SGSM2: variants seen among roughly 807,000 people sequenced by gnomAD.
SGSM2 encodes RUN and TBC1 domain containing 1.
A neutral mutation model predicts 126.6 loss-of-function variants in SGSM2; 89 were observed. The ratio of observed to expected loss-of-function variants is 0.70; its 90% confidence interval spans 0.59 to 0.84. SGSM2 has a LOEUF of 0.84. Among genes scored for constraint, SGSM2 ranks in the 40% least tolerant of loss-of-function variants. The pLI, the probability that SGSM2 is intolerant of heterozygous loss-of-function variation, is 0.00. For synonymous variants in SGSM2, 614 were observed against 574.3 expected (o/e 1.07, Z -0.99); for missense variants, 1,404 against 1,416.6 (o/e 0.99, Z 0.14).
In SGSM2 at chr17:2,362,421, A is replaced by ACCG; in HGVS notation, c.458+154_458+156dup. 1.1e-6 allele frequency: 1 copy of ACCG among 889,836 alleles called. No homozygotes were observed. Among genetic ancestry groups the ACCG allele is most frequent in the Non-Finnish European group, 1.5e-6 (1 of 659,364 alleles). 55.1% of individuals were successfully genotyped at this position (889,836 alleles called of 1,614,324 possible). On this transcript the variant is annotated intron_variant, in intron 4 of 23. Transcript: ENST00000268989. The surrounding 1 kb of genome is among the most constrained non-coding windows in gnomAD (Gnocchi z 4.9). The stretch of plus-strand genomic sequence containing the variant: ...CCCGTTCCCCCCAAAACTGCAGGTG[A>ACCG]CCGCCCCGTTCCCAAAAACTGCAGG...
At chr17:2,369,508 G>A (rs1277428450) in intron 12 of SGSM2, among the ~76,000 whole-genome samples, 1 of 152,068 alleles carries the variant, frequency 6.6e-6, no homozygotes, top group African/African-American at 2.4e-5. Flanking sequence ...TCCAGCCTGT[G>A]CCCTCACCCA....
rs1235322919 is a variant in SGSM2, at chr17:2,376,227, C to T, written c.2575C>T (p.Pro859Ser). Residue 859 changes from proline (P) to serine (S), a missense_variant, in exon 19 of 24, where the codon CCC becomes TCC. Coordinates refer to ENST00000268989, the MANE Select transcript of SGSM2 (RefSeq NM_014853.3). ...CCGCAACTACTGGTACTTCACGCCC[C>T]CCAACCTCGAGAGGCTCAGAGACGT... is the stretch of plus-strand genomic sequence containing the variant. ...CDRNYWYFTPPNLERLRDVMC... is the reference protein window; with the variant it reads ...CDRNYWYFTPSNLERLRDVMC... 1 of 1,614,040 alleles carries T rather than the reference C, an allele frequency of 6.2e-7. No individual in the cohort carries two copies. The highest frequency in any genetic ancestry group is 8.5e-7 in the Non-Finnish European group (1 of 1,180,008).
chr17:2,366,068 A>T (rs1475675463), intron 11 of SGSM2, among the ~76,000 whole-genome samples: 1 of 152,070 alleles, frequency 6.6e-6, no homozygotes, highest in African/African-American at 2.4e-5. Context: ...GATGGTGAAT[A>T]TTGTCTGCTG....
rs1597387145 is a variant in SGSM2 at position 2,373,400 on chromosome 17, A to G, written c.1987A>G (p.Arg663Gly). Residue 663 changes from arginine (R) to glycine (G), a missense_variant, in exon 17 of 24, where the codon AGG (arginine) becomes GGG (glycine). Arg to Gly is a moderately radical substitution (Grantham distance 125, BLOSUM62 -2). Coordinates refer to ENST00000268989, the MANE Select transcript of SGSM2 (RefSeq NM_014853.3). ...AEWKACEVVV[R>G]QREREAHPAT... Reference sequence around the variant, plus strand: ...GTGGAAGGCCTGCGAGGTGGTGGTGAGGCAGCGGGAGCGGGAGGCCCACCC... The same window carrying G: ...GTGGAAGGCCTGCGAGGTGGTGGTGGGGCAGCGGGAGCGGGAGGCCCACCC... 3 of 1,612,458 alleles carry G rather than the reference A, an allele frequency of 1.9e-6. No individual in the cohort carries two copies. The highest frequency in any genetic ancestry group is 2.5e-6 in the Non-Finnish European group (3 of 1,179,942).
Position 2,372,407 on chromosome 17 carries a change from C to A in SGSM2, c.1707C>A (p.Ser569Arg), listed in dbSNP as rs185126674. Residue 569 changes from serine (S) to arginine (R), a missense_variant, in exon 15 of 24, where the codon AGC becomes AGA. Ser to Arg is a moderately radical substitution (Grantham distance 110). Coordinates refer to ENST00000268989, the MANE Select transcript of SGSM2 (RefSeq NM_014853.3). This position sits in a 1 kb window ranked among gnomAD's most constrained non-coding sequence, Gnocchi z 6.0. ...ACCTGTCGGCGCTGGTGCACCATAGCGTTATCCCACCTGACCGGCCCCCGG... is the reference window on the plus strand; with the variant it reads ...ACCTGTCGGCGCTGGTGCACCATAGAGTTATCCCACCTGACCGGCCCCCGG... Reference protein sequence around the residue: ...RTHLSALVHHSVIPPDRPPGA... With the variant: ...RTHLSALVHHRVIPPDRPPGA... 2.5e-6 allele frequency: 4 copies of A among 1,597,002 alleles called. No individual in the cohort carries two copies. In the East Asian group the frequency reaches 6.8e-5, roughly 27 times the overall value.
intron 2 of SGSM2, among the ~76,000 whole-genome samples, chr17:2,353,766 T>TA (rs56109750): frequency 0.45 from 66,504 of 149,102 alleles, 14,780 homozygotes; most frequent in East Asian, 0.64. Context: ...ACTCTGTCTT[T>TA]AAAAAAAAAA....
chr17:2,346,852 G>A (rs1233455529), intron 2 of SGSM2, among the ~76,000 whole-genome samples: 1 of 152,162 alleles, frequency 6.6e-6, no homozygotes, highest in African/African-American at 2.4e-5. Flanking sequence ...GCTCTGGGAG[G>A]CTGAGGCGGG....
At chr17:2,371,566 GACTT>G (rs2065874312) in intron 13 of SGSM2, 151 bp downstream of exon 13, 1 of 893,768 alleles carries the variant, frequency 1.1e-6, no homozygotes, top group Admixed American at 3.1e-5. Context: ...CTACCCACGT[GACTT>G]ACAAGTTATG....
In SGSM2 at chr17:2,379,964, C is replaced by T; in HGVS notation, c.*444C>T. On this transcript the variant is annotated 3_prime_UTR_variant, in exon 24 of 24. Transcript: ENST00000268989. Reference sequence around the variant, plus strand: ...CCCTTCTGAGGGTCCCTTTGCAGTCCCAGTATATTGTGCGTGCACCAGCCC... The same window carrying T: ...CCCTTCTGAGGGTCCCTTTGCAGTCTCAGTATATTGTGCGTGCACCAGCCC... 6 of 1,351,240 alleles carry T rather than the reference C, an allele frequency of 4.4e-6. No individual in the cohort carries two copies. In the South Asian group the frequency reaches 9.2e-5, roughly 21 times the overall value. The allele number at this position is 1,351,240 out of a possible 1,614,324, so 83.7% of individuals were successfully genotyped here.
At chr17:2,361,470 A>G (rs1236870116) in intron 2 of SGSM2, among the ~76,000 whole-genome samples, 167 bp from the exon 3 acceptor site, 7 of 152,152 alleles carry the variant, frequency 4.6e-5, no homozygotes, top group African/African-American at 7.2e-5. Context: ...CCCGGGCAGG[A>G]GCCGAGGGAC....
rs1198675909 is a variant in SGSM2, at chr17:2,363,142, C to T, written c.672+8C>T. On this transcript the variant is annotated splice_region_variant and intron_variant, in intron 6 of 23. Transcript: ENST00000268989. This position sits in a 1 kb window ranked among gnomAD's most constrained non-coding sequence, Gnocchi z 4.2. Reference sequence around the variant, plus strand: ...AAGCGCCCAGCCCTGGGGGTAGGTGCCCCCTCCCCACCCTTTGGGCTCATC... The same window carrying T: ...AAGCGCCCAGCCCTGGGGGTAGGTGTCCCCTCCCCACCCTTTGGGCTCATC... The T allele has an allele frequency of 1.3e-6, 2 of 1,589,576 alleles. No homozygotes were observed. Among genetic ancestry groups the T allele is most frequent in the Non-Finnish European group, 1.7e-6 (2 of 1,170,304 alleles).
intron 2 of SGSM2, among the ~76,000 whole-genome samples, chr17:2,347,594 G>T (rs2064656647): frequency 6.7e-6 from 1 of 150,312 alleles, no homozygotes; most frequent in African/African-American, 2.4e-5. Flanking sequence ...AGTATAGGCT[G>T]GTATCTCCTG....
chr17:2,376,369 A>T, intron 19 of SGSM2, 108 bp downstream of exon 19: 1 of 1,453,210 alleles, frequency 6.9e-7, no homozygotes, highest in Non-Finnish European at 9.3e-7. Context: ...CTCCTGAATC[A>T]CACTTGGCTC....
intron 22 of SGSM2, 113 bp from the exon 23 acceptor site, chr17:2,378,923 A>AGCCT (rs2066298244): frequency 8.9e-7 from 1 of 1,126,466 alleles, no homozygotes; most frequent in African/African-American, 2.1e-5. Flanking sequence ...CCCCAGCCCC[A>AGCCT]GCCTCAGCCT....
chr17:2,377,050 C>T lies in SGSM2; in HGVS notation c.2784C>T (p.Asn928=), dbSNP rs2066199208. The T allele has an allele frequency of 6.2e-7, 1 of 1,612,902 alleles. No homozygotes were observed. The highest frequency in any genetic ancestry group is 1.3e-5 in the African/African-American group (1 of 74,940). ...NGGAMDTHFA[N]MRSLIQILDS... ...GTGCCATGGACACCCACTTTGCCAA[C>T]ATGCGCTCCCTCATCCAGGTGAGGC... is the stretch of plus-strand genomic sequence containing the variant. Residue 928 remains asparagine (N), a synonymous_variant, in exon 21 of 24, where the codon AAC becomes AAT. Transcript: ENST00000268989.
In SGSM2 at chr17:2,364,859, G is replaced by C. The variant is rs201834458; in HGVS notation, c.1001-38G>C. 305 of 1,597,180 alleles carry C rather than the reference G, an allele frequency of 1.9e-4. No homozygotes were observed. The African/African-American group carries it at 2.0e-3, about 11-fold the overall frequency. On this transcript the variant is annotated intron_variant, in intron 9 of 23. Coordinates refer to ENST00000268989, the MANE Select transcript of SGSM2 (RefSeq NM_014853.3). ...TGGCCAGCAGGGTGTGATAGCCGACGAGAGGGCCTCAGCCGCACTCTCCAC... is the reference window on the plus strand; with the variant it reads ...TGGCCAGCAGGGTGTGATAGCCGACCAGAGGGCCTCAGCCGCACTCTCCAC...
At chr17:2,342,265 A>C (rs2064401830) in intron 1 of SGSM2, among the ~76,000 whole-genome samples, 1 of 151,364 alleles carries the variant, frequency 6.6e-6, no homozygotes. Context: ...AAAATACAAA[A>C]AAAAAAAAAA....
rs1364321523 is a variant in SGSM2 at position 2,372,922 on chromosome 17, C to T, written c.1789-31C>T. 6.4e-7 allele frequency: 1 copy of T among 1,551,122 alleles called. No individual in the cohort carries two copies. Among genetic ancestry groups the T allele is most frequent in the African/African-American group, 1.4e-5 (1 of 73,062 alleles). On this transcript the variant is annotated intron_variant, in intron 15 of 23. Coordinates refer to ENST00000268989, the MANE Select transcript of SGSM2 (RefSeq NM_014853.3). This position sits in a 1 kb window ranked among gnomAD's most constrained non-coding sequence, Gnocchi z 6.0. ...AGCTGGGCCACGGTGACTGTGGAGG[C>T]TGCACAGTCTTGACTCCCCGGGTCC...
At chr17:2,360,696 G>T (rs1298796627) in intron 2 of SGSM2, among the ~76,000 whole-genome samples, 1 of 152,214 alleles carries the variant, frequency 6.6e-6, no homozygotes, top group African/African-American at 2.4e-5. Context: ...TGTTCTGTCT[G>T]ACTGTCTCCA....
Sources: allele counts gnomAD v4.1 joint callset (sites outside exome capture counted in the v4.1 genomes callset), GRCh38; gene constraint gnomAD v4.1.1; non-coding constraint Gnocchi (gnomAD v3.1); transcripts MANE v1.5; gene names NCBI Gene and HGNC (gene_info 2026-07-23, HGNC 2026-07-21).